TLR6: variants seen among roughly 807,000 people sequenced by gnomAD.
TLR6 encodes toll-like receptor 6.
A neutral mutation model predicts 16.1 loss-of-function variants in TLR6; 9 were observed. That is an observed-to-expected ratio of 0.56 (90% CI 0.34 to 0.98). The LOEUF (loss-of-function observed/expected upper bound fraction) is 0.98. Among genes scored for constraint, TLR6 ranks in the 50% least tolerant of loss-of-function variants. The pLI is 0.02. For synonymous variants in TLR6, 340 were observed against 338.6 expected, an observed-to-expected ratio of 1.00 and a Z score of -0.04; for missense variants, 786 against 921.0, an observed-to-expected ratio of 0.85 and a Z score of 1.90.
chr4:38,828,887 G>A, exon 2 of TLR6: 1 of 1,612,204 alleles, frequency 6.2e-7, no homozygotes, highest in Non-Finnish European at 8.5e-7. Flanking sequence ...AAGGGTTTTT[G>A]CATTCAGAAT....
exon 2 of TLR6, chr4:38,829,026 A>C: frequency 1.2e-6 from 2 of 1,614,172 alleles, no homozygotes; most frequent in Non-Finnish European, 1.7e-6. Context: ...AATCCCAAGA[A>C]ATTCAGTTGT....
upstream of TLR6, among the ~76,000 whole-genome samples, chr4:38,861,591 G>C (rs1713194753): frequency 6.6e-6 from 1 of 152,158 alleles, no homozygotes; most frequent in Non-Finnish European, 1.5e-5. Flanking sequence ...CACTGAGCTT[G>C]AGTGGCTGAA....
chr4:38,848,708 G>T (rs552666243), intron 1 of TLR6, among the ~76,000 whole-genome samples: 13 of 152,314 alleles, frequency 8.5e-5, no homozygotes, highest in African/African-American at 2.9e-4. Flanking sequence ...ATGAAATGAA[G>T]TGAGAAGAGA....
chr4:38,828,332 G>A (rs770896547), exon 2 of TLR6: 1 of 1,613,434 alleles, frequency 6.2e-7, no homozygotes, highest in South Asian at 1.1e-5. Context: ...TAAGATAAGT[G>A]TCTCCAATTT....
At chr4:38,828,177 A>T in exon 2 of TLR6, 1 of 1,614,208 alleles carries the variant, frequency 6.2e-7, no homozygotes, top group Non-Finnish European at 8.5e-7. Context: ...GACAAATTTA[A>T]CACCACTATA....
intron 1 of TLR6, among the ~76,000 whole-genome samples, chr4:38,836,927 G>A (rs1456806803): frequency 4.8e-5 from 7 of 146,514 alleles, no homozygotes; most frequent in Admixed American, 2.7e-4. Context: ...GTGACAGAGT[G>A]AGACTCAGTC....
the TLR6 span, chr4:38,867,720 C>CGGGGCG: frequency 1.3e-4 from 19 of 151,092 alleles, no homozygotes; most frequent in African/African-American, 2.2e-4. Flanking sequence ...GGGGCGCAGG[C>CGGGGCG]GGGGCGGGGC....
intron 1 of TLR6, chr4:38,843,707 T>C (rs1191732536): frequency 6.6e-6 from 1 of 152,146 alleles, no homozygotes; most frequent in Non-Finnish European, 1.5e-5. Flanking sequence ...GGTTAAAAGC[T>C]CTTCACTGAT....
At chr4:38,829,514 A>G (rs1025577437) in exon 2 of TLR6, 1 of 1,290,584 alleles carries the variant, frequency 7.7e-7, no homozygotes, top group African/African-American at 1.5e-5. Flanking sequence ...TCTTCTTCAG[A>G]GCATCTTGAT....
At chr4:38,835,917 GA>G (rs1711891153) in intron 1 of TLR6, among the ~76,000 whole-genome samples, 1 of 151,924 alleles carries the variant, frequency 6.6e-6, no homozygotes. Context: ...AAAGTTTCTT[GA>G]AAAAAATTAA....
chr4:38,823,601 G>A (rs1394611516), downstream of TLR6: 2 of 152,242 alleles, frequency 1.3e-5, no homozygotes, highest in African/African-American at 2.4e-5. Context: ...GGCATTGGAC[G>A]GGGGAATGAG....
At chr4:38,828,730 A>C in exon 2 of TLR6, 1 of 1,613,934 alleles carries the variant, frequency 6.2e-7, no homozygotes, top group Non-Finnish European at 8.5e-7. Flanking sequence ...GTAAGGTTGA[A>C]CCTCTGGTGA....
intron 1 of TLR6, among the ~76,000 whole-genome samples, chr4:38,850,089 T>G (rs1239199109): frequency 6.6e-6 from 1 of 152,046 alleles, no homozygotes; most frequent in Middle Eastern, 3.2e-3. Context: ...TCAAAACCAC[T>G]CAACTACATG....
chr4:38,832,552 T>C (rs1041743015), intron 1 of TLR6, among the ~76,000 whole-genome samples: 3 of 152,282 alleles, frequency 2.0e-5, no homozygotes, highest in East Asian at 1.9e-4. Flanking sequence ...GGACTTCACA[T>C]TGGGTCCCAC....
intron 1 of TLR6, among the ~76,000 whole-genome samples, chr4:38,853,743 A>G (rs1054020863): frequency 3.3e-5 from 5 of 152,248 alleles, no homozygotes; most frequent in Non-Finnish European, 7.3e-5. Context: ...AGCTGGGGTT[A>G]CAGGTACAAG....
At chr4:38,853,797 C>A (rs768932904) in intron 1 of TLR6, among the ~76,000 whole-genome samples, 16 of 152,072 alleles carry the variant, frequency 1.1e-4, no homozygotes, top group Non-Finnish European at 5.9e-5. Flanking sequence ...AAAACAAATC[C>A]CTCAATTATC....
exon 2 of TLR6, chr4:38,829,144 A>G: frequency 6.2e-7 from 1 of 1,614,146 alleles, no homozygotes; most frequent in Middle Eastern, 1.7e-4. Flanking sequence ...TTTGCAACTG[A>G]TTATGAGATA....
At chr4:38,842,443 C>T (rs1712317876) in intron 1 of TLR6, among the ~76,000 whole-genome samples, 1 of 152,182 alleles carries the variant, frequency 6.6e-6, no homozygotes. Context: ...GTCATTTGTG[C>T]CTTGCTGGGG....
At chr4:38,846,799 G>C (rs1159407619) in intron 1 of TLR6, among the ~76,000 whole-genome samples, 6 of 152,008 alleles carry the variant, frequency 3.9e-5, no homozygotes, top group African/African-American at 1.4e-4. Flanking sequence ...CTAAAACCAT[G>C]TAAGATAGTT....
Sources: allele counts gnomAD v4.1 joint callset (sites outside exome capture counted in the v4.1 genomes callset), GRCh38; gene constraint gnomAD v4.1.1; transcripts MANE v1.5; gene names NCBI Gene and HGNC (gene_info 2026-07-23, HGNC 2026-07-21).